The following PRAG1 variants were observed in gnomAD, a reference collection of about 807,000 sequenced individuals.
The protein encoded by PRAG1 is PEAK1 related, kinase-activating pseudokinase 1, also known as inactive tyrosine-protein kinase PRAG1.
PRAG1 carries 110 observed loss-of-function variants against 95.6 expected under a neutral mutation model. The ratio of observed to expected loss-of-function variants is 1.15; its 90% CI spans 0.99 to 1.35. The LOEUF (loss-of-function observed/expected upper bound fraction) is 1.35, where lower values mean the gene tolerates loss of function less well. Among genes scored for constraint, PRAG1 ranks in the 40% most tolerant of loss-of-function variants. PRAG1 has a pLI of 0.00. For synonymous variants in PRAG1, 1,052 were observed against 819.4 expected (o/e 1.28, Z -4.85); for missense variants, 2,554 against 1,864.7 (o/e 1.37, Z -6.81).
At chr8:8,359,713 A>G (rs887568195) in intron 3 of PRAG1, among the ~76,000 whole-genome samples, 3 of 152,160 alleles carry the variant, frequency 2.0e-5, no homozygotes, top group Non-Finnish European at 2.9e-5. Context: ...TTAACCAAAT[A>G]TGTATTGGAG....
chr8:8,318,665 GC>G lies in PRAG1; in HGVS notation c.3709del (p.Ala1237ProfsTer121). On this transcript the variant is annotated frameshift_variant, in exon 6 of 6. Transcript: ENST00000615670. LOFTEE classifies it high-confidence loss of function. This position sits in a 1 kb window ranked among gnomAD's most constrained non-coding sequence, Gnocchi z 4.2. ...TPNLQQKKSQ[A>X]RLAPEIVSAS... ...AGACACGATCTCGGGGGCCAGCCGGGCCTGGCTCTTCTTCTGCTGCAGGTTT... is the reference window on the plus strand; with the variant it reads ...AGACACGATCTCGGGGGCCAGCCGGGCTGGCTCTTCTTCTGCTGCAGGTTT... 1 of 1,611,620 alleles carries G rather than the reference GC, an allele frequency of 6.2e-7. No homozygotes were observed. The highest frequency in any genetic ancestry group is 8.5e-7 in the Non-Finnish European group (1 of 1,179,772).
chr8:8,344,327 AT>A (rs1799265485), intron 3 of PRAG1, among the ~76,000 whole-genome samples: 1 of 152,260 alleles, frequency 6.6e-6, no homozygotes, highest in Non-Finnish European at 1.5e-5. Flanking sequence ...GGGTAGCAAT[AT>A]GAAGAAATAT....
Position 8,318,328 on chromosome 8 carries a change from G to T in PRAG1, c.4047C>A (p.Gly1349=), listed in dbSNP as rs1374665335. Residue 1349 remains glycine (G), a synonymous_variant, in exon 6 of 6, where the codon GGC becomes GGA. Transcript: ENST00000615670. The surrounding 1 kb of genome is among the most constrained non-coding windows in gnomAD (Gnocchi z 4.2). ...TCATGTCGATCCAGTTGTGCAGCGT[G>T]CCGCACAGCGCCTCCTCCGAGGTGC... ...QPGTSEEALC[G]TLHNWIDMKR... 2.5e-6 allele frequency: 4 copies of T among 1,614,130 alleles called. No homozygotes were observed. In the South Asian group the frequency reaches 4.4e-5, roughly 18 times the overall value.
intron 4 of PRAG1, among the ~76,000 whole-genome samples, chr8:8,332,161 CG>C (rs1563230892): frequency 3.8e-5 from 4 of 105,558 alleles, no homozygotes; most frequent in East Asian, 4.0e-4. Flanking sequence ...ACACATATTA[CG>C]ATTTTTTTTT....
intron 3 of PRAG1, among the ~76,000 whole-genome samples, chr8:8,351,844 A>T (rs1183556469): frequency 6.6e-6 from 1 of 152,042 alleles, no homozygotes; most frequent in Non-Finnish European, 1.5e-5. Flanking sequence ...TTCTCCCTTC[A>T]CACCATCTCC....
At chr8:8,378,364 G>C (rs1345623562) in intron 2 of PRAG1, among the ~76,000 whole-genome samples, 4 of 152,290 alleles carry the variant, frequency 2.6e-5, no homozygotes, top group Non-Finnish European at 5.9e-5. Flanking sequence ...AGTAGGAAAA[G>C]AAAAATATAA....
At chr8:8,337,969 T>A (rs907596486) in intron 4 of PRAG1, among the ~76,000 whole-genome samples, 6 of 152,140 alleles carry the variant, frequency 3.9e-5, no homozygotes, top group African/African-American at 1.4e-4. Flanking sequence ...TGCACTGCCA[T>A]CCCTGTGGCT....
intron 5 of PRAG1, among the ~76,000 whole-genome samples, chr8:8,320,181 A>C (rs1434131556): frequency 6.6e-6 from 1 of 152,214 alleles, no homozygotes. Context: ...TAGTGTTTAT[A>C]AGAAAGCAGC....
chr8:8,345,726 C>T (rs937554659), intron 3 of PRAG1, among the ~76,000 whole-genome samples: 5 of 152,124 alleles, frequency 3.3e-5, no homozygotes, highest in Admixed American at 6.5e-5. Context: ...ACCCGGGAGG[C>T]GGAGGTTGCA....
chr8:8,376,246 C>A lies in PRAG1; in HGVS notation c.2162+1G>T, dbSNP rs747925056. 1 of 1,611,070 alleles carries A rather than the reference C, an allele frequency of 6.2e-7. No homozygotes were observed. The highest frequency in any genetic ancestry group is 8.5e-7 in the Non-Finnish European group (1 of 1,178,790). On this transcript the variant is annotated splice_donor_variant, in intron 3 of 5. Transcript: ENST00000615670. LOFTEE classifies it high-confidence loss of function. ...AGTCCCAGGCAGACAATGGTACTCA[C>A]CGCGACTTTGGAGGCGGAGGAGGAG...
rs782693258 is a variant in PRAG1, at chr8:8,377,349, T to C, written c.1060A>G (p.Ser354Gly). The C allele has an allele frequency of 9.5e-6, 15 of 1,578,494 alleles. No individual in the cohort carries two copies. The highest frequency in any genetic ancestry group is 1.4e-5 in the African/African-American group (1 of 72,996). Residue 354 changes from serine (S) to glycine (G), a missense_variant, in exon 3 of 6, where the codon AGT (serine) becomes GGT (glycine). Physicochemically the swap from Ser to Gly is moderately conservative, Grantham distance 56. Transcript: ENST00000615670. The stretch of plus-strand genomic sequence containing the variant: ...TCGAGGTGGGGGACGAAGGGGCTAC[T>C]GGCGCCGCTGCCGCTGCCGCTGCCG... Reference protein sequence around the residue: ...GSGSGSGSGASSPFVPHLESD... With the variant: ...GSGSGSGSGAGSPFVPHLESD...
At chr8:8,319,847 G>A (rs897077427) in intron 5 of PRAG1, among the ~76,000 whole-genome samples, 4 of 152,194 alleles carry the variant, frequency 2.6e-5, no homozygotes, top group Non-Finnish European at 5.9e-5. Flanking sequence ...AAAAGATGCT[G>A]GACATCATTA....
Position 8,325,935 on chromosome 8 carries a change from T to TA in PRAG1, c.3072+1774dup, listed in dbSNP as rs919584549. 5.1e-3 allele frequency among the ~76,000 whole-genome samples: 713 copies of TA among 140,866 alleles called. 6 individuals are homozygous for TA. Among genetic ancestry groups the TA allele is most frequent in the African/African-American group, 0.016 (601 of 38,592 alleles). 92.4% of individuals were successfully genotyped at this position (140,866 alleles called of 152,430 possible). Reference sequence around the variant, plus strand: ...TCTAAATAAATACATTAATAATAATTAAAAAAAAAAAAAGTTTGTCCCAAG... The same window carrying TA: ...TCTAAATAAATACATTAATAATAATTAAAAAAAAAAAAAAGTTTGTCCCAAG... On this transcript the variant is annotated intron_variant, in intron 5 of 5. Transcript: ENST00000615670.
rs1347781839 is a variant in PRAG1, at chr8:8,365,264, T to A, written c.2162+10983A>T. ...TCACTGAATTTTCATTGTTAAACTATCCCTCCCAAAGATTCTGACACAGCT... is the reference window on the plus strand; with the variant it reads ...TCACTGAATTTTCATTGTTAAACTAACCCTCCCAAAGATTCTGACACAGCT... On this transcript the variant is annotated intron_variant, in intron 3 of 5. Transcript: ENST00000615670. 2.0e-5 allele frequency among the ~76,000 whole-genome samples: 3 copies of A among 152,100 alleles called. No homozygotes were observed. In the South Asian group the frequency reaches 6.2e-4, roughly 32 times the overall value.
At chr8:8,371,348 C>T (rs955089563) in intron 3 of PRAG1, among the ~76,000 whole-genome samples, 1 of 151,726 alleles carries the variant, frequency 6.6e-6, no homozygotes, top group Non-Finnish European at 1.5e-5. Flanking sequence ...GCAAGCTCCG[C>T]CTCCCGGGTT....
chr8:8,367,890 C>G (rs185384194), intron 3 of PRAG1, among the ~76,000 whole-genome samples: 5 of 152,276 alleles, frequency 3.3e-5, no homozygotes, highest in Admixed American at 6.5e-5. Context: ...ATCCACCTGC[C>G]TCAGCCTCCC....
chr8:8,358,957 G>A (rs139218998), intron 3 of PRAG1, among the ~76,000 whole-genome samples: 3 of 152,352 alleles, frequency 2.0e-5, no homozygotes, highest in African/African-American at 7.2e-5. Flanking sequence ...TATAAGCTGT[G>A]ACCTGGGACA....
chr8:8,360,402 C>T (rs1799808078), intron 3 of PRAG1, among the ~76,000 whole-genome samples: 1 of 152,172 alleles, frequency 6.6e-6, no homozygotes, highest in Non-Finnish European at 1.5e-5. Flanking sequence ...CTCTGCATTC[C>T]TGAATTACCA....
chr8:8,358,273 A>G lies in PRAG1; in HGVS notation c.2162+17974T>C, dbSNP rs2116884153. ...GGCAAGGCGTGTGGGAAGGGGCATG[A>G]TGCTTCCATGCCCTCTCTGACAAAC... On this transcript the variant is annotated intron_variant, in intron 3 of 5. Transcript: ENST00000615670. 2.0e-5 allele frequency among the ~76,000 whole-genome samples: 3 copies of G among 152,292 alleles called. No individual in the cohort carries two copies. The South Asian group carries it at 6.2e-4, about 32-fold the overall frequency.
Sources: allele counts gnomAD v4.1 joint callset (sites outside exome capture counted in the v4.1 genomes callset), GRCh38; gene constraint gnomAD v4.1.1; non-coding constraint Gnocchi (gnomAD v3.1); transcripts MANE v1.5; gene names NCBI Gene and HGNC (gene_info 2026-07-23, HGNC 2026-07-21).